The following DIPK1A variants were observed in gnomAD, a reference collection of about 807,000 sequenced individuals.
DIPK1A encodes the protein divergent protein kinase domain 1A.
Under a neutral mutation model 40.8 loss-of-function variants are expected in DIPK1A, and 27 were observed. That is an observed-to-expected ratio of 0.66 (90% CI 0.49 to 0.91). The LOEUF (loss-of-function observed/expected upper bound fraction) is 0.91, where lower values mean the gene tolerates loss of function less well. DIPK1A is among the 40% of genes least tolerant of loss of function. The probability of loss-of-function intolerance (pLI) is 0.00; values close to 1 mark genes in which losing one functional copy is unlikely to be tolerated. For synonymous variants in DIPK1A, 166 were observed against 171.3 expected, an observed-to-expected ratio of 0.97 and a Z score of 0.24; for missense variants, 412 against 505.7, an observed-to-expected ratio of 0.81 and a Z score of 1.78.
intron 2 of DIPK1A, among the ~76,000 whole-genome samples, chr1:92,868,168 A>G (rs1039211558): frequency 6.6e-6 from 1 of 152,198 alleles, no homozygotes; most frequent in African/African-American, 2.4e-5. Context: ...ATGAAATAAA[A>G]TCACTTACTC....
intron 1 of DIPK1A, among the ~76,000 whole-genome samples, chr1:92,925,536 C>T (rs1347880558): frequency 1.3e-5 from 2 of 152,066 alleles, no homozygotes; most frequent in Non-Finnish European, 2.9e-5. Flanking sequence ...CGCTGCAACC[C>T]AGGATGGAGT....
At chr1:92,847,559 A>G (rs991376174) in intron 3 of DIPK1A, among the ~76,000 whole-genome samples, 200 bp from the exon 4 acceptor site, 1 of 152,230 alleles carries the variant, frequency 6.6e-6, no homozygotes. Context: ...TTTTTAAATT[A>G]TAAGAGTAAT....
chr1:92,836,527 G>A (rs1687135741), intron 4 of DIPK1A: 1 of 785,290 alleles, frequency 1.3e-6, no homozygotes. Context: ...CCATGCAGGA[G>A]GAACCTAGTA....
chr1:92,944,355 A>C (rs972692520), intron 1 of DIPK1A, among the ~76,000 whole-genome samples: 2 of 152,218 alleles, frequency 1.3e-5, no homozygotes, highest in African/African-American at 2.4e-5. Context: ...CTTAAGATTC[A>C]AAGGGCTCAG....
At chr1:92,948,981 T>G (rs961357501) in intron 1 of DIPK1A, among the ~76,000 whole-genome samples, 17 of 151,564 alleles carry the variant, frequency 1.1e-4, no homozygotes, top group African/African-American at 4.1e-4. Context: ...ATTTTTTGTA[T>G]TTTTAGTAGA....
chr1:92,886,680 T>C (rs1171068069), intron 1 of DIPK1A, among the ~76,000 whole-genome samples: 2 of 152,298 alleles, frequency 1.3e-5, no homozygotes, highest in Admixed American at 6.5e-5. Flanking sequence ...CAATATTTAT[T>C]AGTGCTACTC....
At chr1:92,957,373 GT>G (rs1002437573) in intron 1 of DIPK1A, among the ~76,000 whole-genome samples, 1 of 152,212 alleles carries the variant, frequency 6.6e-6, no homozygotes, top group Non-Finnish European at 1.5e-5. Flanking sequence ...ATTCTACTCT[GT>G]TCAATGTGCT....
At chr1:92,891,507 A>G (rs774243146) in intron 1 of DIPK1A, among the ~76,000 whole-genome samples, 2 of 152,124 alleles carry the variant, frequency 1.3e-5, no homozygotes, top group Non-Finnish European at 2.9e-5. Flanking sequence ...ATTTCTTTCA[A>G]TAAAATAAAA....
chr1:92,916,272 A>T (rs1478453702), intron 1 of DIPK1A, among the ~76,000 whole-genome samples: 15 of 72,764 alleles, frequency 2.1e-4, no homozygotes, highest in Middle Eastern at 8.3e-3. Flanking sequence ...TAAAGCTCTT[A>T]AAAAAATGAT....
chr1:92,896,995 T>C (rs897810982), intron 1 of DIPK1A, among the ~76,000 whole-genome samples: 22 of 151,944 alleles, frequency 1.4e-4, no homozygotes, highest in African/African-American at 5.3e-4. Flanking sequence ...CATTAAAAAG[T>C]CAGGAAACAA....
intron 1 of DIPK1A, among the ~76,000 whole-genome samples, chr1:92,924,735 C>T (rs1571129272): frequency 1.3e-5 from 2 of 152,182 alleles, no homozygotes; most frequent in East Asian, 3.8e-4. Flanking sequence ...TGATTGAGTC[C>T]AGCAAATCTT....
chr1:92,879,820 T>G (rs189981360), intron 1 of DIPK1A, among the ~76,000 whole-genome samples: 3 of 152,382 alleles, frequency 2.0e-5, no homozygotes, highest in Admixed American at 1.3e-4. Flanking sequence ...ACCTAGATAA[T>G]GTAGTCTTTG....
chr1:92,846,794 TATATATATATATA>T (rs1687617595), intron 4 of DIPK1A, among the ~76,000 whole-genome samples: 3 of 3,670 alleles, frequency 8.2e-4, no homozygotes, highest in Admixed American at 5.7e-3. Context: ...ACTCCTGGCA[TATATATATATATA>T]TATATATATA....
chr1:92,854,021 G>A (rs1687906715), intron 2 of DIPK1A, among the ~76,000 whole-genome samples: 2 of 152,066 alleles, frequency 1.3e-5, no homozygotes, highest in Admixed American at 1.3e-4. Flanking sequence ...CGAGTAGCTG[G>A]GACTACAAGA....
Position 92,843,094 on chromosome 1 carries a change from T to C in DIPK1A, c.*289A>G, listed in dbSNP as rs1223553166. ...ACAAATCACTCACTGTTGATGTTTA[T>C]GGAATGAAGCTTTTCACAGCATTGG... On this transcript the variant is annotated 3_prime_UTR_variant, in exon 5 of 5. Coordinates refer to ENST00000370310, the MANE Select transcript of DIPK1A (RefSeq NM_001006605.5). The C allele has an allele frequency of 9.2e-7, 1 of 1,081,408 alleles. No individual in the cohort carries two copies. The highest frequency in any genetic ancestry group is 1.1e-6 in the Non-Finnish European group (1 of 891,358). The allele number at this position is 1,081,408 out of a possible 1,614,324, so 67.0% of individuals were successfully genotyped here.
chr1:92,911,681 G>C (rs774392312), intron 1 of DIPK1A, among the ~76,000 whole-genome samples: 1 of 152,034 alleles, frequency 6.6e-6, no homozygotes, highest in African/African-American at 2.4e-5. Flanking sequence ...AAATGCTCAG[G>C]AGTATAATTG....
intron 1 of DIPK1A, among the ~76,000 whole-genome samples, chr1:92,902,374 G>T (rs1473533327): frequency 6.6e-6 from 1 of 152,152 alleles, no homozygotes; most frequent in Non-Finnish European, 1.5e-5. Context: ...CCACTGGGCT[G>T]GGGTAGTTCA....
At chr1:92,849,315 T>C (rs556192996) in intron 3 of DIPK1A, among the ~76,000 whole-genome samples, 1 of 152,136 alleles carries the variant, frequency 6.6e-6, no homozygotes, top group Admixed American at 6.5e-5. Flanking sequence ...ATGTAAGGTC[T>C]GTAAGGGAAG....
chr1:92,952,078 A>AC (rs1384193685), intron 1 of DIPK1A, among the ~76,000 whole-genome samples: 114 of 151,142 alleles, frequency 7.5e-4, no homozygotes, highest in Middle Eastern at 3.4e-3. Flanking sequence ...AAAAAAAAAA[A>AC]ACACACACAA....
Sources: allele counts gnomAD v4.1 joint callset (sites outside exome capture counted in the v4.1 genomes callset), GRCh38; gene constraint gnomAD v4.1.1; transcripts MANE v1.5; gene names NCBI Gene and HGNC (gene_info 2026-07-23, HGNC 2026-07-21).